The following RBBP8 variants were observed in gnomAD, a reference collection of about 807,000 sequenced individuals.
The protein encoded by RBBP8 is DNA endonuclease RBBP8.
A neutral mutation model predicts 108.3 loss-of-function variants in RBBP8; 88 were observed. That is an observed-to-expected ratio of 0.81 (90% confidence interval 0.68 to 0.97). RBBP8 has a LOEUF of 0.97. Among genes scored for constraint, RBBP8 ranks in the 50% least tolerant of loss-of-function variants. RBBP8 has a pLI of 0.00. For synonymous variants in RBBP8, 332 were observed against 348.2 expected, an observed-to-expected ratio of 0.95 and a Z score of 0.52; for missense variants, 1,023 against 1,049.0, an observed-to-expected ratio of 0.98 and a Z score of 0.34.
chr18:22,934,491 CT>C (rs1910333199), intron 1 of RBBP8, among the ~76,000 whole-genome samples: 1 of 150,018 alleles, frequency 6.7e-6, no homozygotes, highest in African/African-American at 2.5e-5. Flanking sequence ...CTTTTTTTTT[CT>C]TTTTGCTGCA....
At chr18:23,015,558 G>A (rs1052807776) in intron 16 of RBBP8, among the ~76,000 whole-genome samples, 8 of 144,620 alleles carry the variant, frequency 5.5e-5, no homozygotes, top group South Asian at 4.3e-4. Context: ...AACATTTCCC[G>A]TATTTTTTTT....
intron 17 of RBBP8, among the ~76,000 whole-genome samples, chr18:23,017,193 A>C (rs946054086): frequency 1.3e-5 from 2 of 151,774 alleles, no homozygotes; most frequent in African/African-American, 4.8e-5. Flanking sequence ...CATCTCTACT[A>C]AAAATACAAA....
At chr18:22,964,393 T>C (rs1049302994) in intron 4 of RBBP8, among the ~76,000 whole-genome samples, 15 of 151,254 alleles carry the variant, frequency 9.9e-5, no homozygotes, top group African/African-American at 3.6e-4. Flanking sequence ...TTTTTTTCTT[T>C]TCAGTCCTTT....
At chr18:22,934,984 C>CT (rs1910411878) in intron 1 of RBBP8, among the ~76,000 whole-genome samples, 1 of 148,034 alleles carries the variant, frequency 6.8e-6, no homozygotes. Context: ...TATATAAATA[C>CT]AAATATTAAT....
Position 23,026,242 on chromosome 18 carries a change from C to T in RBBP8, c.*2C>T, listed in dbSNP as rs2046449582. On this transcript the variant is annotated 3_prime_UTR_variant, in exon 19 of 19. Transcript: ENST00000327155. Reference sequence around the variant, plus strand: ...AAAGGCAAGGAGCAGAAGACATAGACGTTGAAACAGAAACAGAAGGATGAA... The same window carrying T: ...AAAGGCAAGGAGCAGAAGACATAGATGTTGAAACAGAAACAGAAGGATGAA... 14 of 1,610,418 alleles carry T rather than the reference C, an allele frequency of 8.7e-6. No individual in the cohort carries two copies. Among genetic ancestry groups the T allele is most frequent in the Non-Finnish European group, 1.1e-5 (13 of 1,176,938 alleles).
intron 3 of RBBP8, among the ~76,000 whole-genome samples, chr18:22,919,782 C>T (rs933591737): frequency 5.3e-5 from 8 of 152,094 alleles, no homozygotes; most frequent in African/African-American, 1.9e-4. Flanking sequence ...GAACTCCTGA[C>T]CTTAGATGAT....
intron 4 of RBBP8, among the ~76,000 whole-genome samples, chr18:22,958,072 A>G (rs1002974792): frequency 6.6e-6 from 1 of 152,136 alleles, no homozygotes; most frequent in Non-Finnish European, 1.5e-5. Flanking sequence ...CCTTTCCTCT[A>G]TCACTTTTCC....
At chr18:22,981,594 T>C (rs1278002903) in intron 6 of RBBP8, among the ~76,000 whole-genome samples, 1 of 152,242 alleles carries the variant, frequency 6.6e-6, no homozygotes, top group Non-Finnish European at 1.5e-5. Context: ...TTGGTTGTTA[T>C]CATTGTTAGT....
At position 22,975,100 on chromosome 18, in the gene RBBP8, A is replaced by G; in HGVS notation, c.362-53A>G. 2.6e-6 allele frequency: 4 copies of G among 1,529,972 alleles called. No homozygotes were observed. The South Asian group carries it at 3.6e-5, about 14-fold the overall frequency. 94.8% of individuals were successfully genotyped at this position (1,529,972 alleles called of 1,614,324 possible). ...GACATATTTTATTTGAAAGCCTAAC[A>G]TAGATGTTAATATAAATATATTATT... is the stretch of plus-strand genomic sequence containing the variant. On this transcript the variant is annotated intron_variant, in intron 5 of 18. Transcript: ENST00000327155.
intron 3 of RBBP8, among the ~76,000 whole-genome samples, chr18:22,949,175 C>T (rs1185826465): frequency 6.6e-6 from 1 of 152,142 alleles, no homozygotes; most frequent in Admixed American, 6.6e-5. Flanking sequence ...GACTCAAACC[C>T]ATTTTGCATC....
chr18:22,967,517 C>A (rs1913714227), intron 4 of RBBP8, among the ~76,000 whole-genome samples: 1 of 152,052 alleles, frequency 6.6e-6, no homozygotes, highest in South Asian at 2.1e-4. Flanking sequence ...AAGAGAAAAT[C>A]TCCCATAATA....
intron 2 of RBBP8, among the ~76,000 whole-genome samples, chr18:22,939,147 A>T (rs1279506461): frequency 6.6e-6 from 1 of 152,136 alleles, no homozygotes; most frequent in Non-Finnish European, 1.5e-5. Context: ...GTATCATTAC[A>T]CTGGAGTACT....
Position 22,975,483 on chromosome 18 carries a change from A to G in RBBP8, c.428+264A>G, listed in dbSNP as rs375556419. Among the ~76,000 whole-genome samples, 48 of 152,226 alleles carry G rather than the reference A, an allele frequency of 3.2e-4. No individual in the cohort carries two copies. In the East Asian group the frequency reaches 4.8e-3, roughly 15 times the overall value. Reference sequence around the variant, plus strand: ...ATTATAAATAATACATTATTAAAATACTTATATTTCAAACAGATGTTTGAG... The same window carrying G: ...ATTATAAATAATACATTATTAAAATGCTTATATTTCAAACAGATGTTTGAG... On this transcript the variant is annotated intron_variant, in intron 6 of 18. Transcript: ENST00000327155.
intron 3 of RBBP8, among the ~76,000 whole-genome samples, chr18:22,923,463 T>C (rs1034030503): frequency 6.6e-6 from 1 of 152,242 alleles, no homozygotes; most frequent in Non-Finnish European, 1.5e-5. Context: ...ATAGGCAAGC[T>C]GCTTCAAATG....
At chr18:22,994,681 A>G (rs1264895378) in intron 12 of RBBP8, among the ~76,000 whole-genome samples, 7 of 151,264 alleles carry the variant, frequency 4.6e-5, no homozygotes, top group African/African-American at 1.7e-4. Context: ...TGTTTGCCTT[A>G]AGATATATAG....
chr18:22,974,908 C>T (rs1860342377), intron 5 of RBBP8, among the ~76,000 whole-genome samples: 1 of 152,146 alleles, frequency 6.6e-6, no homozygotes, highest in African/African-American at 2.4e-5. Context: ...CCCTCTTTTG[C>T]CTGCAAGCAT....
chr18:22,989,117 G>C, intron 8 of RBBP8, 104 bp from the exon 9 acceptor site: 1 of 794,392 alleles, frequency 1.3e-6, no homozygotes, highest in Non-Finnish European at 2.0e-6. Flanking sequence ...CTTATGAAGT[G>C]TGAGCCTTTT....
Position 23,001,588 on chromosome 18 carries a change from G to A in RBBP8, c.2146G>A (p.Glu716Lys), listed in dbSNP as rs148713374. Residue 716 changes from glutamate to lysine, a missense_variant and splice_region_variant, in exon 15 of 19, where the codon GAA becomes AAA. Transcript: ENST00000327155. ...QEQKGEKSSN[E>K]ERKMNDSLED... is the part of the protein sequence containing the mutation. ...TAAGCCAGTGCTCTTTTACATAGAT[G>A]AAGAAAGAAAAATGAATGATAGCTT... 1.6e-4 allele frequency: 254 copies of A among 1,614,078 alleles called. 1 individual carries two copies. The African/African-American group carries it at 2.2e-3, about 14-fold the overall frequency.
In RBBP8 at chr18:23,016,889, A is replaced by G; in HGVS notation, c.2419A>G (p.Lys807Glu). 1 of 1,613,960 alleles carries G rather than the reference A, an allele frequency of 6.2e-7. No individual in the cohort carries two copies. The highest frequency in any genetic ancestry group is 8.5e-7 in the Non-Finnish European group (1 of 1,179,938). Residue 807 changes from lysine to glutamate, a missense_variant, in exon 17 of 19, where the codon AAA becomes GAA. Transcript: ENST00000327155. The part of the protein sequence containing the change: ...EVVRKKEERR[K>E]LLGHTCKECE... ...GGTTCGGAAAAAAGAGGAGAGAAGAAAACTGCTTGGGCACACGTGTAAGGA... is the reference window on the plus strand; with the variant it reads ...GGTTCGGAAAAAAGAGGAGAGAAGAGAACTGCTTGGGCACACGTGTAAGGA...
Sources: allele counts gnomAD v4.1 joint callset (sites outside exome capture counted in the v4.1 genomes callset), GRCh38; gene constraint gnomAD v4.1.1; transcripts MANE v1.5; gene names NCBI Gene and HGNC (gene_info 2026-07-23, HGNC 2026-07-21).